Variants in TEK observed in about 807,000 individuals in gnomAD.
The protein encoded by TEK is angiopoietin-1 receptor.
In TEK, 43 loss-of-function variants were observed where a neutral mutation model predicts 131.8. The ratio of observed to expected loss-of-function variants is 0.33; its 90% CI spans 0.26 to 0.42. TEK has a LOEUF of 0.42. Among genes scored for constraint, TEK ranks in the 10% least tolerant of loss-of-function variants. The probability of loss-of-function intolerance (pLI) is 1.00; values close to 1 mark genes in which losing one functional copy is unlikely to be tolerated. For missense variants in TEK, 1,162 were observed against 1,384.4 expected, an observed-to-expected ratio of 0.84 and a Z score of 2.55; for synonymous variants, 580 against 491.6, an observed-to-expected ratio of 1.18 and a Z score of -2.38.
In TEK at chr9:27,172,540, A is replaced by G; in HGVS notation, c.629-76A>G. On this transcript the variant is annotated intron_variant, in intron 4 of 22. Coordinates refer to ENST00000380036, the MANE Select transcript of TEK (RefSeq NM_000459.5). ...CACCATTGTCCACTGAATGACTGAC[A>G]CACAGTAGGTGCTCAATAAAGATGT... 1.9e-6 allele frequency: 3 copies of G among 1,591,410 alleles called. No homozygotes were observed. In the South Asian group the frequency reaches 3.4e-5, roughly 18 times the overall value.
intron 9 of TEK, among the ~76,000 whole-genome samples, chr9:27,186,953 G>A (rs1374476949): frequency 6.6e-6 from 1 of 152,130 alleles, no homozygotes; most frequent in African/African-American, 2.4e-5. Flanking sequence ...TTGGTTATAG[G>A]AAAGAGCCCA....
rs1220504722 is a variant in TEK, at chr9:27,203,038, G to A, written c.2128G>A (p.Val710Met). ...KGLEPETAYQ[V>M]DIFAENNIGS... ...CCTAGAGCCTGAAACAGCATACCAGGTGGACATTTTTGCAGAGAACAACAT... is the reference window on the plus strand; with the variant it reads ...CCTAGAGCCTGAAACAGCATACCAGATGGACATTTTTGCAGAGAACAACAT... Residue 710 changes from valine to methionine, a missense_variant, in exon 13 of 23, where the codon GTG becomes ATG. Physicochemically the swap from Val to Met is conservative, Grantham distance 21 (BLOSUM62 1). Transcript: ENST00000380036. The A allele has an allele frequency of 1.9e-6, 3 of 1,614,128 alleles. No individual in the cohort carries two copies. The highest frequency in any genetic ancestry group is 1.7e-5 in the Admixed American group (1 of 60,000).
intron 1 of TEK, among the ~76,000 whole-genome samples, chr9:27,132,012 A>G (rs987326125): frequency 7.2e-5 from 11 of 151,982 alleles, no homozygotes; most frequent in African/African-American, 2.4e-4. Context: ...ATATTTCTAA[A>G]TAATTTATAT....
At chr9:27,140,944 TC>T (rs1406976951) in intron 1 of TEK, among the ~76,000 whole-genome samples, 1 of 152,084 alleles carries the variant, frequency 6.6e-6, no homozygotes, top group East Asian at 1.9e-4. Context: ...ATTTTTGCTT[TC>T]TTTTCTTTCT....
At chr9:27,226,377 T>C (rs192191005) in intron 21 of TEK, among the ~76,000 whole-genome samples, 1 of 152,332 alleles carries the variant, frequency 6.6e-6, no homozygotes, top group East Asian at 1.9e-4. Context: ...GTGGCACATA[T>C]ACACCATGGA....
intron 1 of TEK, among the ~76,000 whole-genome samples, chr9:27,156,039 G>T (rs1275088283): frequency 6.6e-6 from 1 of 152,070 alleles, no homozygotes; most frequent in African/African-American, 2.4e-5. Flanking sequence ...CTGACCTCAG[G>T]TGATCCCCCT....
intron 1 of TEK, among the ~76,000 whole-genome samples, chr9:27,144,599 A>G (rs1363705639): frequency 6.6e-6 from 1 of 152,186 alleles, no homozygotes; most frequent in Non-Finnish European, 1.5e-5. Flanking sequence ...GGAAGCACAC[A>G]GGATTTTTTT....
At chr9:27,223,251 G>A (rs1037910861) in intron 21 of TEK, among the ~76,000 whole-genome samples, 1 of 151,978 alleles carries the variant, frequency 6.6e-6, no homozygotes, top group Non-Finnish European at 1.5e-5. Context: ...TTCAGGACTT[G>A]AATTCAGCTC....
rs190205098 is a variant in TEK, at chr9:27,130,294, A to G, written c.52+20652A>G. On this transcript the variant is annotated intron_variant, in intron 1 of 22. Transcript: ENST00000380036. ...AAAGCATACAAATCAATGGAGAAAGAAATAACAGGAAAACTAATTTTCTGT... is the reference window on the plus strand; with the variant it reads ...AAAGCATACAAATCAATGGAGAAAGGAATAACAGGAAAACTAATTTTCTGT... 2.6e-5 allele frequency among the ~76,000 whole-genome samples: 4 copies of G among 152,312 alleles called. No individual in the cohort carries two copies. In the East Asian group the frequency reaches 7.7e-4, roughly 29 times the overall value.
chr9:27,201,207 C>A (rs1421020964), intron 12 of TEK, among the ~76,000 whole-genome samples: 2 of 151,376 alleles, frequency 1.3e-5, no homozygotes, highest in Non-Finnish European at 2.9e-5. Flanking sequence ...GTTTATTGAG[C>A]TATCCCTAAG....
intron 1 of TEK, among the ~76,000 whole-genome samples, chr9:27,144,412 A>G (rs890681996): frequency 6.6e-6 from 1 of 152,222 alleles, no homozygotes; most frequent in Non-Finnish European, 1.5e-5. Flanking sequence ...GGGGACTGGT[A>G]GGGGCCCATG....
At chr9:27,173,941 A>AG (rs145906467) in intron 6 of TEK, among the ~76,000 whole-genome samples, 15,050 of 151,172 alleles carry the variant, frequency 0.1, 834 homozygotes, top group Non-Finnish European at 0.12. Flanking sequence ...AAAAAAAAAA[A>AG]TCAAAATCAG....
chr9:27,228,298 A>G lies in TEK; in HGVS notation c.3293A>G (p.Glu1098Gly), dbSNP rs1826418404. 6.2e-6 allele frequency: 10 copies of G among 1,611,946 alleles called. No homozygotes were observed. Among genetic ancestry groups the G allele is most frequent in the South Asian group, 1.1e-5 (1 of 91,050 alleles). Residue 1098 changes from glutamate (E) to glycine (G), a missense_variant, in exon 22 of 23, where the codon GAG becomes GGG. Transcript: ENST00000380036. ...GTGTCCTTAAACAGAATGTTAGAGG[A>G]GCGAAAGGTAAGTATTAAAGTCAGG... Reference protein sequence around the residue: ...ILVSLNRMLEERKTYVNTTLY... With the variant: ...ILVSLNRMLEGRKTYVNTTLY...
intron 1 of TEK, among the ~76,000 whole-genome samples, chr9:27,118,647 C>A (rs775277457): frequency 6.6e-6 from 1 of 152,132 alleles, no homozygotes; most frequent in Non-Finnish European, 1.5e-5. Flanking sequence ...CAACAACAAA[C>A]CGGAAAATGG....
Position 27,168,600 on chromosome 9 carries a change from A to C in TEK, c.470A>C (p.Lys157Thr). 6.2e-7 allele frequency: 1 copy of C among 1,602,706 alleles called. No individual in the cohort carries two copies. The highest frequency in any genetic ancestry group is 8.5e-7 in the Non-Finnish European group (1 of 1,169,976). Reference protein sequence around the residue: ...LIKEEDAVIYKNGSFIHSVPR... With the variant: ...LIKEEDAVIYTNGSFIHSVPR... The stretch of plus-strand genomic sequence containing the variant: ...AAAGAAGAAGATGCAGTGATTTACA[A>C]AAATGGTGAGTATGTGTTTCATTGC... The change falls in exon 3 of 23, where the codon AAA (lysine) becomes ACA (threonine). Residue 157 changes from lysine (K) to threonine (T), a missense_variant. Lys to Thr is a moderately conservative substitution (Grantham distance 78). This residue lies in a region of TEK where 436 missense variants were observed against 539.1 expected (regional missense o/e 0.81). Transcript: ENST00000380036.
chr9:27,227,167 G>A (rs1180559498), intron 21 of TEK, among the ~76,000 whole-genome samples: 1 of 152,132 alleles, frequency 6.6e-6, no homozygotes, highest in Non-Finnish European at 1.5e-5. Flanking sequence ...ATGCACATAA[G>A]GTTCCCCAGA....
intron 1 of TEK, among the ~76,000 whole-genome samples, chr9:27,128,130 A>G (rs61614223): frequency 0.012 from 1,801 of 152,272 alleles, 32 homozygotes; most frequent in African/African-American, 0.041. Context: ...TAAGTCTTTA[A>G]TCCATCTTGA....
In TEK at chr9:27,168,518, A is replaced by T; in HGVS notation, c.388A>T (p.Thr130Ser). 6.2e-7 allele frequency: 1 copy of T among 1,613,920 alleles called. No individual in the cohort carries two copies. The highest frequency in any genetic ancestry group is 8.5e-7 in the Non-Finnish European group (1 of 1,179,836). Residue 130 changes from threonine (T) to serine (S), a missense_variant, in exon 3 of 23, where the codon ACT (threonine) becomes TCT (serine). Coordinates refer to ENST00000380036, the MANE Select transcript of TEK (RefSeq NM_000459.5). ...AGCTTCCTTCCTACCAGCTACTTTA[A>T]CTATGACTGTGGACAAGGGAGATAA... is the stretch of plus-strand genomic sequence containing the variant. ...QQASFLPATLTMTVDKGDNVN... is the reference protein window; with the variant it reads ...QQASFLPATLSMTVDKGDNVN...
At chr9:27,180,094 C>A (rs1456594741) in intron 6 of TEK, 146 bp from the exon 7 acceptor site, 2 of 1,186,422 alleles carry the variant, frequency 1.7e-6, no homozygotes, top group African/African-American at 1.5e-5. Context: ...TTTTTAAGTT[C>A]CTGGTAATTC....
Sources: allele counts gnomAD v4.1 joint callset (sites outside exome capture counted in the v4.1 genomes callset), GRCh38; gene constraint gnomAD v4.1.1; regional missense constraint gnomAD v4.1.1; transcripts MANE v1.5; gene names NCBI Gene and HGNC (gene_info 2026-07-23, HGNC 2026-07-21).